Variants in KIAA0586 observed in about 807,000 individuals in gnomAD.
KIAA0586 encodes KIAA0586.
In KIAA0586, 144 loss-of-function variants were observed where a neutral mutation model predicts 169.8. That is an observed-to-expected ratio of 0.85 (90% CI 0.74 to 0.97). The LOEUF is 0.97. Ranked by LOEUF, KIAA0586 falls within the 50% of genes least tolerant of loss-of-function variation. The pLI is 0.00. For missense variants in KIAA0586, 1,854 were observed against 1,823.0 expected (o/e 1.02, Z -0.31); for synonymous variants, 625 against 612.4 (o/e 1.02, Z -0.30).
chr14:58,494,479 G>A (rs1435094242), intron 26 of KIAA0586, among the ~76,000 whole-genome samples: 6 of 151,530 alleles, frequency 4.0e-5, no homozygotes, highest in Admixed American at 3.9e-4. Flanking sequence ...TGACCTGTGA[G>A]TTCTTATTTC....
At chr14:58,499,864 A>G (rs1863953435) in intron 27 of KIAA0586, among the ~76,000 whole-genome samples, 1 of 152,198 alleles carries the variant, frequency 6.6e-6, no homozygotes, top group Non-Finnish European at 1.5e-5. Flanking sequence ...CAGCCGATGC[A>G]TTTATTGTAA....
chr14:58,539,938 C>G (rs1219038034), intron 29 of KIAA0586, 133 bp from the exon 30 acceptor site: 1 of 562,982 alleles, frequency 1.8e-6, no homozygotes, highest in African/African-American at 1.9e-5. Flanking sequence ...CTAGATCAAA[C>G]TTCTGTTTAC....
chr14:58,427,633 T>G (rs551740936), upstream of KIAA0586: 866 of 1,535,424 alleles, frequency 5.6e-4, no homozygotes, highest in Non-Finnish European at 7.3e-4. Flanking sequence ...GGTTGGATGT[T>G]TTGGGTGAGT....
downstream of KIAA0586, among the ~76,000 whole-genome samples, chr14:58,552,905 T>C (rs2047224160): frequency 6.6e-6 from 1 of 152,244 alleles, no homozygotes; most frequent in Admixed American, 6.5e-5. Context: ...GTATCCTATT[T>C]TTCCTGAACA....
chr14:58,555,709 A>C (rs536358054), downstream of KIAA0586, among the ~76,000 whole-genome samples: 1 of 152,224 alleles, frequency 6.6e-6, no homozygotes, highest in African/African-American at 2.4e-5. Flanking sequence ...CATTTGATGG[A>C]TCATGCCACT....
chr14:58,458,679 C>T (rs2040072264), intron 12 of KIAA0586, 134 bp downstream of exon 12: 2 of 541,860 alleles, frequency 3.7e-6, no homozygotes, highest in African/African-American at 4.0e-5. Context: ...AATTGTCACT[C>T]TTTATATTTA....
In KIAA0586 at chr14:58,453,139, G is replaced by A. The variant is rs1748974; in HGVS notation, c.1130-211G>A. ...TCTCCATGTTGGTCAGGCTGGTCTCGAACTTCCGACCTCAGATGATCCACC... is the reference window on the plus strand; with the variant it reads ...TCTCCATGTTGGTCAGGCTGGTCTCAAACTTCCGACCTCAGATGATCCACC... On this transcript the variant is annotated intron_variant, in intron 8 of 30. Transcript: ENST00000652326. 0.98 allele frequency among the ~76,000 whole-genome samples: 148,480 copies of A among 151,954 alleles called. 72,621 individuals are homozygous for A. The highest frequency in any genetic ancestry group is 1 in the Non-Finnish European group (67,963 of 68,000).
intron 4 of KIAA0586, among the ~76,000 whole-genome samples, chr14:58,435,053 T>C (rs904878735): frequency 6.6e-6 from 1 of 152,230 alleles, no homozygotes; most frequent in African/African-American, 2.4e-5. Context: ...CCTTTGAAAG[T>C]GCTTGAATTA....
At chr14:58,521,111 C>G (rs1566935717) in intron 29 of KIAA0586, 1 of 467,892 alleles carries the variant, frequency 2.1e-6, no homozygotes. Flanking sequence ...CCACATAGTA[C>G]CCGGGAATAG....
chr14:58,515,414 TA>T (rs2044680907), intron 29 of KIAA0586, among the ~76,000 whole-genome samples: 2 of 152,148 alleles, frequency 1.3e-5, no homozygotes. Context: ...GCTGTGACAA[TA>T]ACTTTAAATA....
chr14:58,459,985 A>G lies in KIAA0586; in HGVS notation c.1799A>G (p.His600Arg), dbSNP rs780461594. Reference sequence around the variant, plus strand: ...AACAAATCTGTAATTCCAAGAAAACATTCTCAAAAGCAAATAGAAGAGCAT... The same window carrying G: ...AACAAATCTGTAATTCCAAGAAAACGTTCTCAAAAGCAAATAGAAGAGCAT... ...TVNKSVIPRKHSQKQIEEHFR... is the reference protein window; with the variant it reads ...TVNKSVIPRKRSQKQIEEHFR... Residue 600 changes from histidine (H) to arginine (R), a missense_variant, in exon 13 of 31, where the codon CAT (histidine) becomes CGT (arginine). Coordinates refer to ENST00000652326, the MANE Select transcript of KIAA0586 (RefSeq NM_001329943.3). 3.9e-6 allele frequency: 6 copies of G among 1,534,916 alleles called. No individual in the cohort carries two copies. Among genetic ancestry groups the G allele is most frequent in the African/African-American group, 1.4e-5 (1 of 73,128 alleles).
intron 14 of KIAA0586, among the ~76,000 whole-genome samples, chr14:58,464,937 T>C (rs1427537769): frequency 6.6e-6 from 1 of 152,086 alleles, no homozygotes; most frequent in Non-Finnish European, 1.5e-5. Flanking sequence ...CCGGGCATGG[T>C]GGCATGCGTC....
chr14:58,487,981 G>C lies in KIAA0586; in HGVS notation c.3399G>C (p.Leu1133Phe), dbSNP rs1409454378. The C allele has an allele frequency of 6.2e-7, 1 of 1,613,332 alleles. No individual in the cohort carries two copies. The highest frequency in any genetic ancestry group is 8.5e-7 in the Non-Finnish European group (1 of 1,179,668). The part of the protein sequence containing the change: ...PPAAAVFTPT[L>F]SDISIDKLKV... ...CGGCGGCAGTTTTTACCCCAACTTT[G>C]TCAGATATTTCCATTGATAAATTGA... Residue 1133 changes from leucine to phenylalanine, a missense_variant, in exon 23 of 31, where the codon TTG becomes TTC. Physicochemically the swap from Leu to Phe is conservative, Grantham distance 22. Coordinates refer to ENST00000652326, the MANE Select transcript of KIAA0586 (RefSeq NM_001329943.3).
chr14:58,535,911 A>C (rs1054153975), intron 29 of KIAA0586, among the ~76,000 whole-genome samples: 1 of 151,996 alleles, frequency 6.6e-6, no homozygotes, highest in Non-Finnish European at 1.5e-5. Flanking sequence ...TTATAGTTTT[A>C]TGCTGTTTTC....
rs367550800 is a variant in KIAA0586, at chr14:58,521,664, A to G, written c.4429+9037A>G. The G allele has an allele frequency of 8.1e-6, 8 of 986,898 alleles. 1 individual carries two copies. Among genetic ancestry groups the G allele is most frequent in the East Asian group, 2.5e-5 (1 of 39,774 alleles). 61.1% of individuals were successfully genotyped at this position (986,898 alleles called of 1,614,324 possible). ...AAAGGAGATGACCTTCAGGCCATTA[A>G]GAAGGAATTGACCCAGATAAAACAA... On this transcript the variant is annotated intron_variant, in intron 29 of 30. Transcript: ENST00000652326.
At chr14:58,521,994 A>C in intron 29 of KIAA0586, 1 of 1,307,342 alleles carries the variant, frequency 7.6e-7, no homozygotes, top group Non-Finnish European at 1.1e-6. Context: ...ACTCTTAAGC[A>C]CATAGTGGGG....
At chr14:58,428,700 AT>A (rs1220850578) in intron 1 of KIAA0586, among the ~76,000 whole-genome samples, 1,424 of 92,580 alleles carry the variant, frequency 0.015, 21 homozygotes, top group African/African-American at 0.05. Context: ...ACTTTTGCAT[AT>A]TTTTTTTTTT....
intron 14 of KIAA0586, among the ~76,000 whole-genome samples, chr14:58,464,944 C>T (rs891875691): frequency 7.2e-5 from 11 of 152,082 alleles, no homozygotes; most frequent in South Asian, 2.1e-4. Context: ...TGGTGGCATG[C>T]GTCTGTGGTC....
chr14:58,525,311 G>A (rs555849599), intron 29 of KIAA0586, among the ~76,000 whole-genome samples: 3 of 152,124 alleles, frequency 2.0e-5, no homozygotes, highest in East Asian at 3.9e-4. Context: ...AGCTCCCAGC[G>A]AGATCAATGC....
Sources: gnomAD v4.1 joint callset for allele counts (sites outside exome capture counted in the v4.1 genomes callset) on GRCh38, gnomAD v4.1.1 for gene constraint, MANE v1.5 for transcripts, NCBI Gene and HGNC (gene_info 2026-07-23, HGNC 2026-07-21) for gene names.